Variants in MME observed in about 807,000 individuals in gnomAD.
MME encodes membrane metalloendopeptidase.
A neutral mutation model predicts 113.2 loss-of-function variants in MME; 98 were observed. The observed-to-expected ratio is 0.87, with a 90% CI of 0.74 to 1.02. The LOEUF is 1.02. Ranked by LOEUF, MME falls within the 50% of genes least tolerant of loss-of-function variation. The pLI, the probability that MME is intolerant of heterozygous loss-of-function variation, is 0.00. For synonymous variants in MME, 292 were observed against 300.6 expected (o/e 0.97, Z 0.30); for missense variants, 836 against 896.0 (o/e 0.93, Z 0.86).
chr3:155,055,006 C>T (rs1322232667), intron 1 of MME, among the ~76,000 whole-genome samples: 2 of 152,204 alleles, frequency 1.3e-5, no homozygotes, highest in East Asian at 1.9e-4. Flanking sequence ...TTGTTTGGAG[C>T]ATCTATCTAT....
rs201238171 is a variant in MME, at chr3:155,143,483, G to A, written c.1229G>A (p.Arg410His). Residue 410 changes from arginine (R) to histidine (H), a missense_variant, in exon 13 of 23, where the codon CGT becomes CAT. Physicochemically the swap from Arg to His is conservative, Grantham distance 29 (BLOSUM62 0). Coordinates refer to ENST00000360490, the MANE Select transcript of MME (RefSeq NM_007289.4). ...ACCTCAGAAACAGCAACTTGGAGAC[G>A]TTGTGCAAACTATGTCAATGGGAAT... is the stretch of plus-strand genomic sequence containing the variant. ...GTTSETATWRRCANYVNGNME... is the reference protein window; with the variant it reads ...GTTSETATWRHCANYVNGNME... 4.0e-5 allele frequency: 65 copies of A among 1,612,568 alleles called. No homozygotes were observed. Among genetic ancestry groups the A allele is most frequent in the Non-Finnish European group, 4.7e-5 (56 of 1,178,964 alleles).
intron 18 of MME, among the ~76,000 whole-genome samples, chr3:155,167,452 T>C (rs1374160500): frequency 1.3e-5 from 2 of 152,138 alleles, no homozygotes; most frequent in African/African-American, 2.4e-5. Flanking sequence ...CCTTTTTTTT[T>C]TCGTCTTGTA....
At chr3:155,092,203 T>A (rs1339321634) in intron 3 of MME, among the ~76,000 whole-genome samples, 1 of 152,178 alleles carries the variant, frequency 6.6e-6, no homozygotes, top group Non-Finnish European at 1.5e-5. Flanking sequence ...TCCATAAACA[T>A]CCTCACGGAT....
intron 8 of MME, among the ~76,000 whole-genome samples, chr3:155,127,785 A>G (rs80197084): frequency 0.025 from 3,858 of 152,356 alleles, 158 homozygotes; most frequent in African/African-American, 0.088. Context: ...TCAGCAGAAC[A>G]GTAGTATAGT....
intron 1 of MME, among the ~76,000 whole-genome samples, chr3:155,038,225 G>A (rs1381265724): frequency 1.3e-5 from 2 of 152,110 alleles, no homozygotes; most frequent in Non-Finnish European, 2.9e-5. Context: ...CAAAATGCTT[G>A]TAAACCCAAG....
At chr3:155,128,209 TA>T (rs1719843560) in intron 8 of MME, among the ~76,000 whole-genome samples, 1 of 152,202 alleles carries the variant, frequency 6.6e-6, no homozygotes, top group African/African-American at 2.4e-5. Context: ...TCCCTTTTTT[TA>T]AATCCATTCT....
intron 3 of MME, chr3:155,112,738 TG>T (rs1476066344): frequency 2.0e-5 from 3 of 152,296 alleles, no homozygotes; most frequent in Admixed American, 1.3e-4. Context: ...GGCAATGAAC[TG>T]AGAACGGATC....
chr3:155,067,937 G>A (rs1290256610), intron 1 of MME, among the ~76,000 whole-genome samples: 1 of 152,078 alleles, frequency 6.6e-6, no homozygotes, highest in Non-Finnish European at 1.5e-5. Flanking sequence ...TATTTACCTA[G>A]GAAAAGTGAA....
chr3:155,063,048 A>G (rs988249649), intron 1 of MME, among the ~76,000 whole-genome samples: 5 of 146,556 alleles, frequency 3.4e-5, no homozygotes, highest in East Asian at 2.0e-4. Context: ...AAAAAAAAAA[A>G]AGAAAGGAAA....
intron 3 of MME, among the ~76,000 whole-genome samples, chr3:155,100,205 G>GA (rs1195192404): frequency 1.3e-5 from 2 of 151,976 alleles, no homozygotes; most frequent in Non-Finnish European, 2.9e-5. Context: ...AAATTTACAA[G>GA]AAAAAAACAA....
At chr3:155,173,440 G>A (rs1409887345) in intron 22 of MME, among the ~76,000 whole-genome samples, 3 of 152,010 alleles carry the variant, frequency 2.0e-5, no homozygotes, top group Non-Finnish European at 4.4e-5. Flanking sequence ...ATGAATGTAA[G>A]CATACTGCCC....
chr3:155,075,087 C>G (rs920575770), upstream of MME, among the ~76,000 whole-genome samples: 1 of 150,770 alleles, frequency 6.6e-6, no homozygotes, highest in African/African-American at 2.4e-5. Context: ...GTGATTTTAC[C>G]CTTTTAATTC....
intron 8 of MME, among the ~76,000 whole-genome samples, chr3:155,136,338 G>C (rs893477990): frequency 2.0e-5 from 3 of 152,178 alleles, no homozygotes; most frequent in South Asian, 2.1e-4. Context: ...GTTTACTAAG[G>C]GTTTTTATTA....
intron 16 of MME, chr3:155,158,371 T>A (rs866774149): frequency 6.6e-5 from 10 of 152,220 alleles, no homozygotes; most frequent in African/African-American, 2.2e-4. Context: ...TTAATAACTA[T>A]AAGCTGTTTA....
At chr3:155,070,679 C>A (rs1334715246) in intron 1 of MME, among the ~76,000 whole-genome samples, 3 of 152,074 alleles carry the variant, frequency 2.0e-5, no homozygotes, top group African/African-American at 7.2e-5. Flanking sequence ...ATTAAGGATC[C>A]AAGAGAAGTT....
At chr3:155,137,490 A>G (rs1720725624) in intron 8 of MME, among the ~76,000 whole-genome samples, 1 of 152,136 alleles carries the variant, frequency 6.6e-6, no homozygotes, top group South Asian at 2.1e-4. Flanking sequence ...GCGGATCACA[A>G]TGTCAGGAGT....
chr3:155,149,076 A>G (rs1721734773), intron 16 of MME, among the ~76,000 whole-genome samples: 2 of 152,210 alleles, frequency 1.3e-5, no homozygotes, highest in Admixed American at 1.3e-4. Context: ...CATCCCCTTC[A>G]TAGATAGTTA....
chr3:155,046,991 T>C (rs1713580922), intron 1 of MME, among the ~76,000 whole-genome samples: 1 of 152,194 alleles, frequency 6.6e-6, no homozygotes, highest in Admixed American at 6.5e-5. Context: ...AAGCTAAGGT[T>C]TATTACTGAA....
intron 3 of MME, among the ~76,000 whole-genome samples, chr3:155,102,937 C>T (rs528710487): frequency 3.0e-4 from 46 of 152,288 alleles, no homozygotes; most frequent in African/African-American, 9.9e-4. Flanking sequence ...AGTCCTCTTT[C>T]GGTTGCCTCT....
Sources: allele counts gnomAD v4.1 joint callset (sites outside exome capture counted in the v4.1 genomes callset), GRCh38; gene constraint gnomAD v4.1.1; transcripts MANE v1.5; gene names NCBI Gene and HGNC (gene_info 2026-07-23, HGNC 2026-07-21).